The following DACH2 variants were observed in gnomAD, a reference collection of about 807,000 sequenced individuals.
The protein encoded by DACH2 is dachshund family transcription factor 2, also known as dachshund homolog 2.
DACH2 carries 17 observed loss-of-function variants against 35.8 expected under a neutral mutation model. That is an observed-to-expected ratio of 0.48 (90% confidence interval 0.33 to 0.71). The LOEUF is 0.71. Among genes scored for constraint, DACH2 ranks in the 30% least tolerant of loss-of-function variants. DACH2 has a pLI of 0.02. For synonymous variants in DACH2, 195 were observed against 177.3 expected, an observed-to-expected ratio of 1.10 and a Z score of -0.79; for missense variants, 469 against 472.7, an observed-to-expected ratio of 0.99 and a Z score of 0.07.
intron 3 of DACH2, among the ~76,000 whole-genome samples, chrX:86,560,567 C>T (rs1320983283): frequency 2.0e-5 from 2 of 102,235 alleles, no homozygotes; most frequent in Non-Finnish European, 4.0e-5. Context: ...ATCAATGGAA[C>T]AGAACAGAGC....
chrX:86,570,252 A>G (rs1364721487), intron 3 of DACH2, among the ~76,000 whole-genome samples: 5 of 111,713 alleles, frequency 4.5e-5, no homozygotes, highest in African/African-American at 1.6e-4. Context: ...TACCCAAAGG[A>G]ATATAAATCA....
At chrX:86,527,403 TTA>T (rs780370102) in intron 3 of DACH2, among the ~76,000 whole-genome samples, 103 of 111,696 alleles carry the variant, frequency 9.2e-4, no homozygotes, top group African/African-American at 2.9e-3. Flanking sequence ...TCAATATATA[TTA>T]GTTTGTATTT....
chrX:86,161,884 C>A (rs906961335), intron 1 of DACH2, among the ~76,000 whole-genome samples: 1 of 111,664 alleles, frequency 9.0e-6, no homozygotes, highest in African/African-American at 3.3e-5. Flanking sequence ...TACATAATCC[C>A]TATTCTGCCA....
At chrX:86,253,885 CAG>C (rs1482620139) in intron 1 of DACH2, among the ~76,000 whole-genome samples, 1 of 111,944 alleles carries the variant, frequency 8.9e-6, no homozygotes, top group Non-Finnish European at 1.9e-5. Flanking sequence ...GGAAGTGACA[CAG>C]ATATTTGCAA....
At chrX:86,190,936 CT>C (rs2031815171) in intron 1 of DACH2, among the ~76,000 whole-genome samples, 1 of 110,732 alleles carries the variant, frequency 9.0e-6, no homozygotes, top group Non-Finnish European at 1.9e-5. Flanking sequence ...AAGGGCAAAA[CT>C]TCATCTCAAA....
intron 7 of DACH2, among the ~76,000 whole-genome samples, chrX:86,775,906 A>T (rs2042027369): frequency 1.8e-5 from 2 of 111,919 alleles, no homozygotes; most frequent in African/African-American, 3.2e-5. Context: ...ATTATCAGGT[A>T]GATACTATTG....
chrX:86,230,067 G>A (rs1195891915), intron 1 of DACH2, among the ~76,000 whole-genome samples: 1 of 110,589 alleles, frequency 9.0e-6, no homozygotes, highest in Non-Finnish European at 1.9e-5. Context: ...CTTTCAACTT[G>A]TTCCCATTCA....
At chrX:86,505,729 G>T (rs2038313617) in intron 2 of DACH2, among the ~76,000 whole-genome samples, 1 of 111,780 alleles carries the variant, frequency 8.9e-6, no homozygotes, top group South Asian at 3.7e-4. Context: ...TGCACAAACT[G>T]CATGTTTTAT....
chrX:86,446,288 C>CTTTT (rs753958102), intron 2 of DACH2, among the ~76,000 whole-genome samples: 5 of 78,080 alleles, frequency 6.4e-5, no homozygotes, highest in East Asian at 4.4e-4. Context: ...AGTCTTGTTT[C>CTTTT]TTTTTTTTTT....
intron 1 of DACH2, among the ~76,000 whole-genome samples, chrX:86,320,942 G>A (rs2035004280): frequency 9.0e-6 from 1 of 111,587 alleles, no homozygotes; most frequent in Non-Finnish European, 1.9e-5. Flanking sequence ...TTATGAGATG[G>A]TATAAAGGGT....
intron 1 of DACH2, among the ~76,000 whole-genome samples, chrX:86,307,863 G>A (rs1454544228): frequency 8.9e-6 from 1 of 111,933 alleles, no homozygotes; most frequent in African/African-American, 3.2e-5. Flanking sequence ...TGGGATAATG[G>A]TGGAAGCAAC....
At chrX:86,326,729 T>A (rs975686130) in intron 1 of DACH2, among the ~76,000 whole-genome samples, 25 of 110,749 alleles carry the variant, frequency 2.3e-4, no homozygotes, top group African/African-American at 7.6e-4. Flanking sequence ...GTTTTCCTCA[T>A]CCTTATGTCC....
intron 2 of DACH2, among the ~76,000 whole-genome samples, chrX:86,476,118 G>T (rs1014563032): frequency 8.9e-6 from 1 of 111,835 alleles, no homozygotes; most frequent in African/African-American, 3.2e-5. Flanking sequence ...TTTCATCAGA[G>T]ATATTGGCCT....
intron 5 of DACH2, among the ~76,000 whole-genome samples, chrX:86,704,633 G>A (rs962911315): frequency 1.3e-4 from 15 of 111,256 alleles, no homozygotes; most frequent in African/African-American, 4.9e-4. Flanking sequence ...ATGTGGGCAA[G>A]TGACATTAGT....
At chrX:86,275,078 T>C (rs1282024045) in intron 1 of DACH2, among the ~76,000 whole-genome samples, 1 of 111,829 alleles carries the variant, frequency 8.9e-6, no homozygotes, top group Non-Finnish European at 1.9e-5. Flanking sequence ...ATATGATCCC[T>C]GCAAGCCAGG....
chrX:86,568,051 C>A (rs1402622344), intron 3 of DACH2, among the ~76,000 whole-genome samples: 1 of 111,178 alleles, frequency 9.0e-6, no homozygotes, highest in Admixed American at 9.6e-5. Context: ...AGAAGCCAAT[C>A]TAAAAAGGCC....
intron 1 of DACH2, among the ~76,000 whole-genome samples, chrX:86,290,619 C>T (rs1436409065): frequency 6.4e-5 from 7 of 108,969 alleles, no homozygotes; most frequent in Non-Finnish European, 1.3e-4. Flanking sequence ...AGGAAGGGAT[C>T]CAGTTTCAGC....
chrX:86,533,642 C>A (rs1476937592), intron 3 of DACH2, among the ~76,000 whole-genome samples: 3 of 112,009 alleles, frequency 2.7e-5, no homozygotes, highest in Non-Finnish European at 3.8e-5. Context: ...TAATTACATA[C>A]AATCATTTTT....
At chrX:86,678,165 C>A (rs758803014) in intron 4 of DACH2, among the ~76,000 whole-genome samples, 1 of 112,055 alleles carries the variant, frequency 8.9e-6, no homozygotes, top group Non-Finnish European at 1.9e-5. Context: ...TTCACACCAA[C>A]TTAAAATAAT....
Sources: gnomAD v4.1 joint callset for allele counts (sites outside exome capture counted in the v4.1 genomes callset) on GRCh38, gnomAD v4.1.1 for gene constraint, MANE v1.5 for transcripts, NCBI Gene and HGNC (gene_info 2026-07-23, HGNC 2026-07-21) for gene names.